Variants in FAM13B observed in about 807,000 individuals in gnomAD.
FAM13B encodes family with sequence similarity 13 member B.
Under a neutral mutation model 117.3 loss-of-function variants are expected in FAM13B, and 60 were observed. The ratio of observed to expected loss-of-function variants is 0.51; its 90% CI spans 0.42 to 0.63. The LOEUF is 0.63. Ranked by LOEUF, FAM13B falls within the 30% of genes least tolerant of loss-of-function variation. The pLI is 0.00. For synonymous variants in FAM13B, 332 were observed against 356.1 expected (o/e 0.93, Z 0.76); for missense variants, 972 against 1,091.9 (o/e 0.89, Z 1.55).
intron 10 of FAM13B, among the ~76,000 whole-genome samples, chr5:137,981,901 G>C (rs754784970): frequency 6.6e-6 from 1 of 152,184 alleles, no homozygotes; most frequent in Admixed American, 6.5e-5. Flanking sequence ...GTGATGAGGA[G>C]ATTTGGTAAA....
At chr5:137,958,655 A>G (rs1321611593) in intron 13 of FAM13B, among the ~76,000 whole-genome samples, 2 of 152,244 alleles carry the variant, frequency 1.3e-5, no homozygotes, top group African/African-American at 4.8e-5. Context: ...GAGTTATCTC[A>G]TTGTCTCTTT....
At chr5:138,047,079 T>C (rs1387836664) in intron 1 of FAM13B, among the ~76,000 whole-genome samples, 1 of 152,042 alleles carries the variant, frequency 6.6e-6, no homozygotes, top group Non-Finnish European at 1.5e-5. Flanking sequence ...AACTCAAGCT[T>C]GACAGATATG....
At chr5:137,979,169 T>C (rs981709343) in intron 10 of FAM13B, among the ~76,000 whole-genome samples, 2 of 151,986 alleles carry the variant, frequency 1.3e-5, no homozygotes, top group African/African-American at 4.8e-5. Context: ...TGTGCCATCA[T>C]GCCCCGCTAA....
intron 20 of FAM13B, among the ~76,000 whole-genome samples, chr5:137,944,744 C>T (rs988194243): frequency 7.8e-5 from 10 of 127,424 alleles, no homozygotes; most frequent in Admixed American, 1.8e-4. Context: ...GATGACAGAG[C>T]GAGACTCCAT....
chr5:137,954,159 C>A lies in FAM13B; in HGVS notation c.1718+7G>T. ...TTGCCTCTTGTAAGTACATAAAAAT[C>A]ATATACCTAGTAAAAGACAGTGCTT... is the stretch of plus-strand genomic sequence containing the variant. On this transcript the variant is annotated splice_region_variant and intron_variant, in intron 15 of 23. Transcript: ENST00000689681. 1.9e-6 allele frequency: 3 copies of A among 1,594,982 alleles called. No homozygotes were observed. Among genetic ancestry groups the A allele is most frequent in the South Asian group, 1.1e-5 (1 of 90,734 alleles).
At chr5:138,005,436 A>C (rs1413213679) in intron 7 of FAM13B, among the ~76,000 whole-genome samples, 1 of 142,580 alleles carries the variant, frequency 7.0e-6, no homozygotes, top group Non-Finnish European at 1.5e-5. Flanking sequence ...ATTTAGAAGG[A>C]GGAAAAAAGG....
chr5:137,945,596 G>T (rs1763202775), intron 20 of FAM13B, among the ~76,000 whole-genome samples: 1 of 152,128 alleles, frequency 6.6e-6, no homozygotes. Flanking sequence ...AGTAGATTAG[G>T]CACATCACTC....
chr5:138,031,737 T>C (rs1481225504), intron 1 of FAM13B, among the ~76,000 whole-genome samples: 1 of 149,962 alleles, frequency 6.7e-6, no homozygotes, highest in Non-Finnish European at 1.5e-5. Context: ...CAAATAATTA[T>C]CAGTCCATTC....
chr5:137,961,718 C>T (rs764379834), intron 11 of FAM13B, among the ~76,000 whole-genome samples: 5 of 152,338 alleles, frequency 3.3e-5, no homozygotes, highest in Admixed American at 6.5e-5. Flanking sequence ...CCTGCAACTT[C>T]ATTACTGAAG....
At chr5:138,008,251 G>C (rs1783032150) in intron 6 of FAM13B, among the ~76,000 whole-genome samples, 1 of 152,060 alleles carries the variant, frequency 6.6e-6, no homozygotes, top group Non-Finnish European at 1.5e-5. Flanking sequence ...GACCAGCCTG[G>C]GCAACGTGGT....
intron 1 of FAM13B, among the ~76,000 whole-genome samples, chr5:138,041,616 A>G (rs1167191447): frequency 1.3e-5 from 2 of 152,218 alleles, no homozygotes; most frequent in African/African-American, 4.8e-5. Context: ...AGTAATTACA[A>G]TCAGTGTAAA....
intron 20 of FAM13B, 26 bp downstream of exon 20, chr5:137,945,876 A>T (rs773114267): frequency 6.5e-7 from 1 of 1,537,612 alleles, no homozygotes; most frequent in Admixed American, 1.8e-5. Context: ...AAAATGAACC[A>T]GAGAATTATT....
chr5:137,995,785 C>G (rs1158902131), intron 7 of FAM13B, among the ~76,000 whole-genome samples: 1 of 152,170 alleles, frequency 6.6e-6, no homozygotes, highest in Non-Finnish European at 1.5e-5. Flanking sequence ...GCATCATTTA[C>G]AGGAGACGGA....
Position 137,939,733 on chromosome 5 carries a change from T to C in FAM13B, c.*492A>G. Reference sequence around the variant, plus strand: ...AAATCTCAGTTTGATTTTGGTTTTCTAGGAAAACAGAGAACACAGTTGCGT... The same window carrying C: ...AAATCTCAGTTTGATTTTGGTTTTCCAGGAAAACAGAGAACACAGTTGCGT... On this transcript the variant is annotated 3_prime_UTR_variant, in exon 24 of 24. Coordinates refer to ENST00000689681, the MANE Select transcript of FAM13B (RefSeq NM_001385994.1). 1 of 476,654 alleles carries C rather than the reference T, an allele frequency of 2.1e-6. No homozygotes were observed. Among genetic ancestry groups the C allele is most frequent in the Non-Finnish European group, 2.8e-6 (1 of 352,190 alleles). The allele number at this position is 476,654 out of a possible 1,614,324, so 29.5% of individuals were successfully genotyped here.
intron 5 of FAM13B, 114 bp from the exon 6 acceptor site, chr5:138,011,263 G>A (rs1783931891): frequency 5.2e-6 from 5 of 952,622 alleles, no homozygotes; most frequent in Admixed American, 2.7e-5. Flanking sequence ...ACCATTCTGT[G>A]CTTCCATTCT....
chr5:138,017,648 C>T (rs1238939086), intron 4 of FAM13B, among the ~76,000 whole-genome samples: 1 of 152,188 alleles, frequency 6.6e-6, no homozygotes, highest in African/African-American at 2.4e-5. Context: ...AGCATTTCCT[C>T]ACTTCTTGGT....
rs954136067 is a variant in FAM13B at position 137,938,821 on chromosome 5, TA to T, written c.*1403del. ...TGCAAAATTCCATTTTTATATGGAA[TA>T]AATTGTTAATATTAGCTAGTTAAGA... is the stretch of plus-strand genomic sequence containing the variant. On this transcript the variant is annotated 3_prime_UTR_variant, in exon 24 of 24. Transcript: ENST00000689681. 5.9e-5 allele frequency: 9 copies of T among 152,558 alleles called. No individual in the cohort carries two copies. Among genetic ancestry groups the T allele is most frequent in the African/African-American group, 2.2e-4 (9 of 41,448 alleles). 9.5% of individuals were successfully genotyped at this position (152,558 alleles called of 1,614,324 possible).
At chr5:137,985,666 C>T (rs1354893277) in intron 9 of FAM13B, among the ~76,000 whole-genome samples, 1 of 151,804 alleles carries the variant, frequency 6.6e-6, no homozygotes, top group Non-Finnish European at 1.5e-5. Flanking sequence ...CCGAAATAAT[C>T]ATTTCCCTTG....
At chr5:137,967,522 CAA>C (rs11308174) in intron 10 of FAM13B, among the ~76,000 whole-genome samples, 1 of 147,666 alleles carries the variant, frequency 6.8e-6, no homozygotes, top group South Asian at 2.1e-4. Context: ...GACTCTGTCT[CAA>C]AAAAAAAATG....
Sources: allele counts gnomAD v4.1 joint callset (sites outside exome capture counted in the v4.1 genomes callset), GRCh38; gene constraint gnomAD v4.1.1; transcripts MANE v1.5; gene names NCBI Gene and HGNC (gene_info 2026-07-23, HGNC 2026-07-21).